SLAIN1: variants seen among roughly 807,000 people sequenced by gnomAD.
SLAIN1 encodes SLAIN family member 1.
A neutral mutation model predicts 55.4 loss-of-function variants in SLAIN1; 17 were observed. That is an observed-to-expected ratio of 0.31 (90% CI 0.21 to 0.46). The LOEUF (loss-of-function observed/expected upper bound fraction) is 0.46. Among genes scored for constraint, SLAIN1 ranks in the 20% least tolerant of loss-of-function variants. SLAIN1 has a pLI of 1.00. For synonymous variants in SLAIN1, 348 were observed against 337.4 expected, an observed-to-expected ratio of 1.03 and a Z score of -0.35; for missense variants, 682 against 785.1, an observed-to-expected ratio of 0.87 and a Z score of 1.57.
At chr13:77,762,962 C>A (rs1336989200) in intron 6 of SLAIN1, among the ~76,000 whole-genome samples, 183 bp from the exon 7 acceptor site, 5 of 152,134 alleles carry the variant, frequency 3.3e-5, no homozygotes, top group African/African-American at 2.4e-5. Context: ...TGAACTGGGG[C>A]TCTGGGAGAT....
At chr13:77,743,276 A>C in intron 2 of SLAIN1, 2 of 893,598 alleles carry the variant, frequency 2.2e-6, no homozygotes, top group South Asian at 3.3e-5. Flanking sequence ...AAGAGTGGAG[A>C]GTTTGTGCTG....
intron 1 of SLAIN1, among the ~76,000 whole-genome samples, chr13:77,706,312 A>G (rs2154409323): frequency 6.6e-6 from 1 of 152,134 alleles, no homozygotes; most frequent in African/African-American, 2.4e-5. Context: ...TTTACTAGCT[A>G]AGTCCTGTTA....
intron 2 of SLAIN1, among the ~76,000 whole-genome samples, chr13:77,721,153 C>G (rs550707966): frequency 1.3e-5 from 2 of 152,196 alleles, no homozygotes; most frequent in African/African-American, 4.8e-5. Context: ...GCGGTTTCCC[C>G]CATGCTGTTC....
chr13:77,729,564 T>C (rs1306500240), intron 2 of SLAIN1, among the ~76,000 whole-genome samples: 1 of 151,606 alleles, frequency 6.6e-6, no homozygotes, highest in African/African-American at 2.4e-5. Context: ...AATAGTCAGG[T>C]TTAAAGCAAG....
intron 4 of SLAIN1, among the ~76,000 whole-genome samples, chr13:77,748,768 A>G (rs1874012800): frequency 6.6e-6 from 1 of 152,210 alleles, no homozygotes; most frequent in African/African-American, 2.4e-5. Flanking sequence ...GGTTGAGAGC[A>G]GAGGCTCTGA....
chr13:77,756,961 T>G (rs141703571), intron 5 of SLAIN1, among the ~76,000 whole-genome samples: 87 of 152,226 alleles, frequency 5.7e-4, no homozygotes, highest in African/African-American at 1.8e-3. Flanking sequence ...AGTGGTTACA[T>G]GAACATATGC....
chr13:77,738,294 G>C (rs1873241357), intron 2 of SLAIN1, among the ~76,000 whole-genome samples: 1 of 151,258 alleles, frequency 6.6e-6, no homozygotes, highest in Non-Finnish European at 1.5e-5. Context: ...CAGGTACACG[G>C]CATTACTTAT....
Position 77,761,050 on chromosome 13 carries a change from C to G in SLAIN1, c.1637C>G (p.Pro546Arg). Reference protein sequence around the residue: ...GIMGRSALPRPSLAINGSNLP... With the variant: ...GIMGRSALPRRSLAINGSNLP... ...ATGGGTCGCAGTGCACTCCCAAGAC[C>G]TTCGTTGGCAATAAATGGGAGTAAC... Residue 546 changes from proline (P) to arginine (R), a missense_variant, in exon 6 of 7, where the codon CCT (proline) becomes CGT (arginine). Around this residue, in one of 3 missense-constraint regions of SLAIN1, gnomAD observed 244 missense variants for 295.2 expected, o/e 0.83. Transcript: ENST00000418532. The G allele has an allele frequency of 1.2e-6, 2 of 1,614,176 alleles. No homozygotes were observed. Among genetic ancestry groups the G allele is most frequent in the Non-Finnish European group, 1.7e-6 (2 of 1,180,026 alleles).
At position 77,744,242 on chromosome 13, in the gene SLAIN1, G is replaced by A. The variant is rs765818800; in HGVS notation, c.767-41G>A. 3.6e-6 allele frequency: 5 copies of A among 1,379,942 alleles called. No individual in the cohort carries two copies. The Admixed American group carries it at 8.4e-5, about 23-fold the overall frequency. The allele number at this position is 1,379,942 out of a possible 1,614,324, so 85.5% of individuals were successfully genotyped here. ...AATTGTGAAGCATGTATAGATATCAGTCCTGCAGATGGAAGAACACACTTT... is the reference window on the plus strand; with the variant it reads ...AATTGTGAAGCATGTATAGATATCAATCCTGCAGATGGAAGAACACACTTT... On this transcript the variant is annotated intron_variant, in intron 2 of 6. Transcript: ENST00000418532.
At chr13:77,710,901 A>C (rs2091142454) in intron 1 of SLAIN1, among the ~76,000 whole-genome samples, 1 of 152,224 alleles carries the variant, frequency 6.6e-6, no homozygotes. Flanking sequence ...ACCACAGTGC[A>C]ATCAAATTAG....
rs1325418521 is a variant in SLAIN1, at chr13:77,727,854, G to A, written c.766+8183G>A. ...TGTGAAATTACTTCAGAAATGTGGA[G>A]TACTACATATACAGAAACATTCCTA... On this transcript the variant is annotated intron_variant, in intron 2 of 6. Transcript: ENST00000418532. 2.0e-5 allele frequency among the ~76,000 whole-genome samples: 3 copies of A among 152,286 alleles called. No individual in the cohort carries two copies. In the East Asian group the frequency reaches 5.8e-4, roughly 29 times the overall value.
intron 3 of SLAIN1, among the ~76,000 whole-genome samples, chr13:77,745,103 C>A (rs1209702203): frequency 6.6e-6 from 1 of 151,880 alleles, no homozygotes; most frequent in African/African-American, 2.4e-5. Context: ...AAGAGGGTCT[C>A]GAAGCTGGAT....
chr13:77,710,479 T>C (rs2091137101), intron 1 of SLAIN1, among the ~76,000 whole-genome samples: 1 of 151,478 alleles, frequency 6.6e-6, no homozygotes, highest in South Asian at 2.1e-4. Flanking sequence ...CCAACAAAGA[T>C]CAAAAGAGAC....
chr13:77,707,724 A>G (rs1229641906), intron 1 of SLAIN1, among the ~76,000 whole-genome samples: 1 of 152,192 alleles, frequency 6.6e-6, no homozygotes, highest in Non-Finnish European at 1.5e-5. Context: ...CAAGGCAGTC[A>G]TTTCTAGGAA....
At chr13:77,718,083 G>A (rs2154409654) in intron 1 of SLAIN1, among the ~76,000 whole-genome samples, 1 of 151,484 alleles carries the variant, frequency 6.6e-6, no homozygotes. Context: ...TCACAACTGT[G>A]CAACACACTC....
intron 5 of SLAIN1, among the ~76,000 whole-genome samples, chr13:77,755,914 A>G (rs558644570): frequency 1.3e-5 from 2 of 152,246 alleles, no homozygotes; most frequent in Admixed American, 6.5e-5. Context: ...ACTGTTCTTT[A>G]TGCATTCTAA....
At chr13:77,711,251 T>G (rs939735543) in intron 1 of SLAIN1, among the ~76,000 whole-genome samples, 4 of 151,718 alleles carry the variant, frequency 2.6e-5, no homozygotes, top group Non-Finnish European at 5.9e-5. Flanking sequence ...GATAGAGACA[T>G]GAAAAACCCT....
intron 1 of SLAIN1, among the ~76,000 whole-genome samples, chr13:77,705,276 A>T (rs2091077859): frequency 6.6e-6 from 1 of 151,900 alleles, no homozygotes; most frequent in African/African-American, 2.4e-5. Flanking sequence ...TGTGATGTGT[A>T]TGGAAAAGAA....
At chr13:77,730,347 GA>G (rs1872795930) in intron 2 of SLAIN1, among the ~76,000 whole-genome samples, 1 of 152,152 alleles carries the variant, frequency 6.6e-6, no homozygotes, top group South Asian at 2.1e-4. Flanking sequence ...TGTGGAGAGT[GA>G]AATGGTGGTT....
Sources: gnomAD v4.1 joint callset for allele counts (sites outside exome capture counted in the v4.1 genomes callset) on GRCh38, gnomAD v4.1.1 for gene constraint, gnomAD v4.1.1 regional missense constraint, MANE v1.5 for transcripts, NCBI Gene and HGNC (gene_info 2026-07-23, HGNC 2026-07-21) for gene names.